CPNE4: variants seen among roughly 807,000 people sequenced by gnomAD.
The protein encoded by CPNE4 is copine 4.
CPNE4 carries 25 observed loss-of-function variants against 67.9 expected under a neutral mutation model. The ratio of observed to expected loss-of-function variants is 0.37; its 90% CI spans 0.27 to 0.51. The LOEUF is 0.51. CPNE4 is among the 20% of genes least tolerant of loss of function. The pLI, the probability that CPNE4 is intolerant of heterozygous loss-of-function variation, is 0.93. For synonymous variants in CPNE4, 242 were observed against 244.9 expected (o/e 0.99, Z 0.11); for missense variants, 464 against 690.8 (o/e 0.67, Z 3.68).
intron 3 of CPNE4, among the ~76,000 whole-genome samples, chr3:131,708,104 G>A (rs2081459149): frequency 6.6e-6 from 1 of 152,150 alleles, no homozygotes. Context: ...GGTCCTGGCT[G>A]TGGAAGGGGT....
intron 11 of CPNE4, among the ~76,000 whole-genome samples, chr3:131,559,020 T>C (rs1936616222): frequency 6.6e-6 from 1 of 152,002 alleles, no homozygotes; most frequent in Non-Finnish European, 1.5e-5. Context: ...TTAACCATCA[T>C]AGTCCATTGC....
At chr3:131,717,850 C>CCTTTCTT (rs2081740773) in intron 3 of CPNE4, among the ~76,000 whole-genome samples, 4 of 22,584 alleles carry the variant, frequency 1.8e-4, no homozygotes, top group African/African-American at 4.0e-4. Context: ...TCCTTCCTTC[C>CCTTTCTT]TCGCTCCCTC....
At chr3:131,642,603 C>T (rs1159660250) in intron 7 of CPNE4, among the ~76,000 whole-genome samples, 2 of 152,324 alleles carry the variant, frequency 1.3e-5, no homozygotes, top group African/African-American at 4.8e-5. Context: ...CCCCACATGT[C>T]ATGGGAAGGA....
intron 3 of CPNE4, 98 bp downstream of exon 3, chr3:131,723,348 A>G (rs2107746435): frequency 9.2e-7 from 1 of 1,086,014 alleles, no homozygotes; most frequent in Non-Finnish European, 1.3e-6. Flanking sequence ...TACAATCAAT[A>G]GGAAAAAGCA....
chr3:131,952,471 T>TG (rs1166786933), intron 1 of CPNE4, among the ~76,000 whole-genome samples: 30 of 90,438 alleles, frequency 3.3e-4, no homozygotes, highest in African/African-American at 7.3e-4. Flanking sequence ...GGGAGGGAGG[T>TG]GGGGGGGTCA....
intron 1 of CPNE4, among the ~76,000 whole-genome samples, chr3:131,909,986 A>T (rs1020154876): frequency 1.3e-5 from 2 of 152,156 alleles, no homozygotes; most frequent in Admixed American, 1.3e-4. Context: ...GAAGCTGGGA[A>T]ATGGGCATAA....
At chr3:131,635,402 TC>T (rs1253500906) in intron 7 of CPNE4, among the ~76,000 whole-genome samples, 3 of 152,210 alleles carry the variant, frequency 2.0e-5, no homozygotes, top group Admixed American at 2.0e-4. Context: ...CAATTACCTT[TC>T]TACTTAATCA....
chr3:131,622,544 G>A (rs182157459), intron 7 of CPNE4, among the ~76,000 whole-genome samples: 152 of 152,280 alleles, frequency 1.0e-3, no homozygotes, highest in Non-Finnish European at 7.4e-5. Context: ...ACATACTGAA[G>A]CAGAGCAGGC....
intron 1 of CPNE4, among the ~76,000 whole-genome samples, chr3:131,917,456 T>C (rs998460667): frequency 5.3e-5 from 8 of 152,070 alleles, no homozygotes; most frequent in African/African-American, 1.9e-4. Flanking sequence ...TCACAGACAT[T>C]TGAGTGATGC....
At chr3:131,551,029 T>G (rs2107644073) in intron 13 of CPNE4, among the ~76,000 whole-genome samples, 1 of 152,266 alleles carries the variant, frequency 6.6e-6, no homozygotes, top group African/African-American at 2.4e-5. Context: ...TGTTATTGCT[T>G]GCCTTCCCCT....
intron 1 of CPNE4, among the ~76,000 whole-genome samples, chr3:131,995,591 C>T (rs1333847923): frequency 6.6e-6 from 1 of 152,122 alleles, no homozygotes; most frequent in Non-Finnish European, 1.5e-5. Context: ...AGCAAACCAG[C>T]CAGTACTTGG....
At chr3:131,884,397 G>C (rs115931311) in intron 2 of CPNE4, among the ~76,000 whole-genome samples, 7,443 of 152,278 alleles carry the variant, frequency 0.049, 247 homozygotes, top group Middle Eastern at 0.1. Flanking sequence ...AAATGTCAGA[G>C]ATGGAGATGC....
At chr3:131,890,026 G>A (rs549842365) in intron 2 of CPNE4, among the ~76,000 whole-genome samples, 14 of 152,174 alleles carry the variant, frequency 9.2e-5, no homozygotes, top group African/African-American at 2.9e-4. Flanking sequence ...AAATTGATTT[G>A]TGCAATGTTT....
chr3:131,963,683 A>G (rs1205312943), intron 1 of CPNE4, among the ~76,000 whole-genome samples: 1 of 152,198 alleles, frequency 6.6e-6, no homozygotes, highest in Non-Finnish European at 1.5e-5. Flanking sequence ...CTGCCTCTCT[A>G]GATTCCTCTT....
intron 2 of CPNE4, 81 bp downstream of exon 2, chr3:131,905,183 C>T: frequency 1.6e-6 from 2 of 1,213,224 alleles, no homozygotes; most frequent in Non-Finnish European, 2.3e-6. Context: ...CAAAATAAAC[C>T]ACCTGAAGAT....
At chr3:131,682,745 G>A (rs541176586) in intron 6 of CPNE4, among the ~76,000 whole-genome samples, 1 of 152,168 alleles carries the variant, frequency 6.6e-6, no homozygotes, top group South Asian at 2.1e-4. Context: ...CCCAGTCCCA[G>A]GCAGGTCCAG....
chr3:132,005,340 TATACACACAC>T (rs1395805189), intron 1 of CPNE4, among the ~76,000 whole-genome samples: 14 of 27,186 alleles, frequency 5.1e-4, no homozygotes, highest in African/African-American at 1.1e-3. Flanking sequence ...TATATATATA[TATACACACAC>T]ACACACACAC....
chr3:131,772,106 G>A (rs537526521), intron 2 of CPNE4, among the ~76,000 whole-genome samples: 1 of 152,202 alleles, frequency 6.6e-6, no homozygotes, highest in African/African-American at 2.4e-5. Context: ...AGGTTTAACA[G>A]TTTTATCATT....
At chr3:131,658,527 T>C (rs1355767624) in intron 7 of CPNE4, among the ~76,000 whole-genome samples, 1 of 152,220 alleles carries the variant, frequency 6.6e-6, no homozygotes, top group East Asian at 1.9e-4. Context: ...TCGTTTCTTA[T>C]CAGGTCAGTC....
Sources: allele counts gnomAD v4.1 joint callset (sites outside exome capture counted in the v4.1 genomes callset), GRCh38; gene constraint gnomAD v4.1.1; transcripts MANE v1.5; gene names NCBI Gene and HGNC (gene_info 2026-07-23, HGNC 2026-07-21).